P4HA1: variants seen among roughly 807,000 people sequenced by gnomAD.
The protein encoded by P4HA1 is prolyl 4-hydroxylase subunit alpha-1.
P4HA1 carries 24 observed loss-of-function variants against 72.8 expected under a neutral mutation model. The observed-to-expected ratio is 0.33, with a 90% confidence interval of 0.24 to 0.46. The LOEUF (loss-of-function observed/expected upper bound fraction) is 0.46, where lower values mean the gene tolerates loss of function less well. P4HA1 is among the 20% of genes least tolerant of loss of function. P4HA1 has a pLI of 1.00. For missense variants in P4HA1, 446 were observed against 640.6 expected, an observed-to-expected ratio of 0.70 and a Z score of 3.28; for synonymous variants, 201 against 218.8, an observed-to-expected ratio of 0.92 and a Z score of 0.72.
intron 12 of P4HA1, 87 bp downstream of exon 12, chr10:73,014,137 C>T (rs1056877503): frequency 1.2e-6 from 1 of 853,684 alleles, no homozygotes; most frequent in Admixed American, 2.2e-5. Flanking sequence ...GATGCTGAAT[C>T]AGAGCTACAC....
chr10:73,069,028 A>T (rs1185280619), intron 4 of P4HA1, 45 bp from the exon 5 acceptor site: 3 of 1,414,838 alleles, frequency 2.1e-6, no homozygotes, highest in Non-Finnish European at 9.8e-7. Context: ...AGAACCTCAT[A>T]AACTTCCCAT....
intron 5 of P4HA1, 37 bp from the exon 6 acceptor site, chr10:73,053,627 A>C: frequency 6.3e-7 from 1 of 1,575,128 alleles, no homozygotes; most frequent in Non-Finnish European, 8.7e-7. Flanking sequence ...TAGGAATCTT[A>C]ACACTACTGT....
At chr10:73,023,051 G>T (rs538244944) in intron 10 of P4HA1, among the ~76,000 whole-genome samples, 25 of 152,178 alleles carry the variant, frequency 1.6e-4, no homozygotes, top group Admixed American at 4.6e-4. Context: ...GGGGAGAATG[G>T]AAACAGGCTG....
intron 5 of P4HA1, among the ~76,000 whole-genome samples, chr10:73,060,123 TA>T (rs1302352752): frequency 2.0e-5 from 3 of 152,196 alleles, no homozygotes; most frequent in African/African-American, 7.2e-5. Flanking sequence ...TCTAGAGTGA[TA>T]TATTTTAAGG....
intron 11 of P4HA1, among the ~76,000 whole-genome samples, chr10:73,016,402 C>G (rs1450307226): frequency 6.6e-6 from 1 of 152,200 alleles, no homozygotes; most frequent in Non-Finnish European, 1.5e-5. Flanking sequence ...GCAGTGGTCC[C>G]TATACCTATC....
chr10:73,075,115 G>A (rs1447090815), intron 1 of P4HA1, among the ~76,000 whole-genome samples, 200 bp from the exon 2 acceptor site: 1 of 151,728 alleles, frequency 6.6e-6, no homozygotes, highest in Non-Finnish European at 1.5e-5. Flanking sequence ...TTTCTTTTTT[G>A]TGTTTTTCTC....
intron 7 of P4HA1, among the ~76,000 whole-genome samples, chr10:73,047,532 C>T (rs1589601633): frequency 1.2e-5 from 1 of 80,418 alleles, no homozygotes; most frequent in African/African-American, 4.5e-5. Flanking sequence ...AAATACCTCA[C>T]AGTTAAATGC....
chr10:73,056,572 C>A (rs1282834422), intron 5 of P4HA1, among the ~76,000 whole-genome samples: 1 of 151,994 alleles, frequency 6.6e-6, no homozygotes, highest in Non-Finnish European at 1.5e-5. Flanking sequence ...GCAGAGGTAG[C>A]AGTGAGCCAA....
intron 10 of P4HA1, among the ~76,000 whole-genome samples, chr10:73,018,892 T>C (rs1244745368): frequency 6.6e-6 from 1 of 151,958 alleles, no homozygotes. Flanking sequence ...CATCCAACCC[T>C]GCCAATAGTG....
chr10:73,056,913 C>T (rs976181448), intron 5 of P4HA1, among the ~76,000 whole-genome samples: 2 of 146,764 alleles, frequency 1.4e-5, no homozygotes, highest in Non-Finnish European at 3.0e-5. Flanking sequence ...ACAAAAACTT[C>T]GCCGGGCGTG....
chr10:73,010,438 C>A (rs1016365085), intron 13 of P4HA1, among the ~76,000 whole-genome samples: 1 of 152,042 alleles, frequency 6.6e-6, no homozygotes, highest in Non-Finnish European at 1.5e-5. Flanking sequence ...CAAAAGAAAG[C>A]TAACATATCT....
chr10:73,049,238 T>C (rs1008061157), intron 7 of P4HA1, among the ~76,000 whole-genome samples: 3 of 152,240 alleles, frequency 2.0e-5, no homozygotes, highest in Admixed American at 6.5e-5. Context: ...ACCATACGTA[T>C]TGTATACTTT....
intron 5 of P4HA1, among the ~76,000 whole-genome samples, chr10:73,056,524 C>G (rs1841151247): frequency 6.6e-6 from 1 of 151,974 alleles, no homozygotes; most frequent in South Asian, 2.1e-4. Flanking sequence ...CCCAGCTACT[C>G]AGGAGGCTGA....
chr10:73,041,770 A>G (rs1031741634), intron 9 of P4HA1, among the ~76,000 whole-genome samples: 50 of 152,004 alleles, frequency 3.3e-4, no homozygotes, highest in Non-Finnish European at 4.3e-4. Context: ...CTATCCACTC[A>G]TCAAACCTAG....
chr10:73,093,567 C>T (rs1467095800), intron 1 of P4HA1, among the ~76,000 whole-genome samples: 2 of 151,634 alleles, frequency 1.3e-5, no homozygotes, highest in Admixed American at 6.6e-5. Flanking sequence ...TGGCCGGGCA[C>T]GGTGGCGTGA....
intron 13 of P4HA1, among the ~76,000 whole-genome samples, chr10:73,010,601 G>A (rs1346934107): frequency 2.0e-5 from 3 of 152,144 alleles, no homozygotes; most frequent in Non-Finnish European, 2.9e-5. Flanking sequence ...AGGCACAGGG[G>A]TTCATGCCTG....
intron 9 of P4HA1, among the ~76,000 whole-genome samples, chr10:73,041,058 ACTAT>A (rs1201160088): frequency 1.3e-5 from 2 of 152,188 alleles, no homozygotes; most frequent in South Asian, 2.1e-4. Context: ...GCAAATCCTT[ACTAT>A]CTATTAGTGT....
At chr10:73,051,770 G>A in intron 6 of P4HA1, among the ~76,000 whole-genome samples, 1 of 152,132 alleles carries the variant, frequency 6.6e-6, no homozygotes, top group East Asian at 1.9e-4. Flanking sequence ...AAAAAAGACA[G>A]TTCTGGAGAC....
chr10:73,027,342 A>C (rs1840299974), intron 10 of P4HA1, among the ~76,000 whole-genome samples: 1 of 151,754 alleles, frequency 6.6e-6, no homozygotes, highest in Admixed American at 6.6e-5. Flanking sequence ...GCAAACTCTC[A>C]CAAGGACAGA....
Sources: gnomAD v4.1 joint callset for allele counts (sites outside exome capture counted in the v4.1 genomes callset) on GRCh38, gnomAD v4.1.1 for gene constraint, MANE v1.5 for transcripts, NCBI Gene and HGNC (gene_info 2026-07-23, HGNC 2026-07-21) for gene names.